HDDC2: variants seen among roughly 807,000 people sequenced by gnomAD.
HDDC2 encodes the protein HD domain containing 2, also known as 5'-deoxynucleotidase HDDC2.
In HDDC2, 25 loss-of-function variants were observed where a neutral mutation model predicts 25.5. That is an observed-to-expected ratio of 0.98 (90% CI 0.72 to 1.37). The LOEUF (loss-of-function observed/expected upper bound fraction) is 1.37. Ranked by LOEUF, HDDC2 falls within the 40% of genes most tolerant of loss-of-function variation. The probability of loss-of-function intolerance (pLI) is 0.00; values close to 1 mark genes in which losing one functional copy is unlikely to be tolerated. For synonymous variants in HDDC2, 106 were observed against 89.7 expected (o/e 1.18, Z -1.03); for missense variants, 264 against 253.1 (o/e 1.04, Z -0.29).
intron 5 of HDDC2, chr6:125,276,892 T>C (rs1424565779): frequency 3.6e-6 from 2 of 557,966 alleles, no homozygotes; most frequent in Non-Finnish European, 6.3e-6. Flanking sequence ...TGTCTGTTGT[T>C]GCTTACTGTT....
chr6:125,287,898 G>A (rs540750334), intron 4 of HDDC2, among the ~76,000 whole-genome samples: 209 of 152,352 alleles, frequency 1.4e-3, no homozygotes, highest in African/African-American at 4.0e-3. Flanking sequence ...CACACAGGCA[G>A]AGCGGGGTTG....
chr6:125,294,801 A>G (rs910223480), intron 3 of HDDC2, among the ~76,000 whole-genome samples: 2 of 152,328 alleles, frequency 1.3e-5, no homozygotes, highest in Non-Finnish European at 1.5e-5. Flanking sequence ...GCTAGATACT[A>G]TATTCCTTTA....
At chr6:125,277,274 G>A (rs1583047440) in intron 4 of HDDC2, 34 bp from the exon 5 acceptor site, 2 of 1,609,456 alleles carry the variant, frequency 1.2e-6, no homozygotes, top group South Asian at 2.2e-5. Flanking sequence ...AGCATGATTA[G>A]CGCTGCATAA....
chr6:125,287,497 T>C (rs1263820969), intron 4 of HDDC2, among the ~76,000 whole-genome samples: 1 of 152,198 alleles, frequency 6.6e-6, no homozygotes, highest in Non-Finnish European at 1.5e-5. Flanking sequence ...AATAAAAGGC[T>C]TTAAAAATAA....
chr6:125,282,239 G>T (rs548811850), intron 4 of HDDC2, among the ~76,000 whole-genome samples: 6 of 151,776 alleles, frequency 4.0e-5, no homozygotes, highest in African/African-American at 1.5e-4. Flanking sequence ...TCAGCTACTC[G>T]GGAGGTTGAG....
chr6:125,276,188 T>G lies in HDDC2; in HGVS notation c.573A>C (p.Arg191Ser). 6.2e-7 allele frequency: 1 copy of G among 1,614,206 alleles called. No homozygotes were observed. Among genetic ancestry groups the G allele is most frequent in the Admixed American group, 1.7e-5 (1 of 60,030 alleles). ...VQLVSELEAE[R>S]STNIAAAASE... ...TGGCAGCTGCAGCTATGTTAGTGCT[T>G]CTTTCTGCCTCAAGTTCAGAAACAA... Residue 191 changes from arginine (R) to serine (S), a missense_variant, in exon 6 of 6, where the codon AGA becomes AGC. Arg to Ser is a moderately radical substitution (Grantham distance 110). Coordinates refer to ENST00000398153, the MANE Select transcript of HDDC2 (RefSeq NM_016063.3).
At chr6:125,296,020 T>C (rs1798701371) in intron 3 of HDDC2, among the ~76,000 whole-genome samples, 1 of 152,144 alleles carries the variant, frequency 6.6e-6, no homozygotes, top group Non-Finnish European at 1.5e-5. Flanking sequence ...AATACCTACT[T>C]TTCTCCAAAA....
In HDDC2 at chr6:125,293,028, A is replaced by T; in HGVS notation, c.310-119T>A. ...CAACTCTCACAGGGGCAGCAGAGTA[A>T]ATTGGCCTATACTGGACAATATTTA... On this transcript the variant is annotated intron_variant, in intron 3 of 5. Transcript: ENST00000398153. The T allele has an allele frequency of 3.7e-6, 3 of 806,120 alleles. No homozygotes were observed. In the South Asian group the frequency reaches 4.1e-5, roughly 11 times the overall value. 49.9% of individuals were successfully genotyped at this position (806,120 alleles called of 1,614,324 possible).
At chr6:125,282,979 G>A (rs1798480618) in intron 4 of HDDC2, among the ~76,000 whole-genome samples, 2 of 152,242 alleles carry the variant, frequency 1.3e-5, no homozygotes, top group Middle Eastern at 3.4e-3. Flanking sequence ...CTAAATATAG[G>A]CTTCATCTTT....
chr6:125,292,328 A>T (rs1798644482), intron 4 of HDDC2, among the ~76,000 whole-genome samples: 1 of 151,440 alleles, frequency 6.6e-6, no homozygotes, highest in Non-Finnish European at 1.5e-5. Context: ...TGTCAGCAGC[A>T]CTGGGAAGGG....
Position 125,292,829 on chromosome 6 carries a change from A to G in HDDC2, c.378+12T>C, listed in dbSNP as rs762370439. ...TACAAATTAAAAACAGTAACGTACC[A>G]TATATACTTACTTCCCAAAGTTCAT... On this transcript the variant is annotated intron_variant, in intron 4 of 5. Coordinates refer to ENST00000398153, the MANE Select transcript of HDDC2 (RefSeq NM_016063.3). 3 of 1,598,952 alleles carry G rather than the reference A, an allele frequency of 1.9e-6. No homozygotes were observed. The highest frequency in any genetic ancestry group is 2.6e-6 in the Non-Finnish European group (3 of 1,167,356).
intron 4 of HDDC2, among the ~76,000 whole-genome samples, chr6:125,280,588 A>G (rs567706475): frequency 1.3e-5 from 2 of 152,312 alleles, no homozygotes; most frequent in South Asian, 4.1e-4. Flanking sequence ...CTTGAGTGTA[A>G]ACAAAGCTGC....
intron 3 of HDDC2, among the ~76,000 whole-genome samples, chr6:125,293,846 G>C (rs1216925243): frequency 6.6e-6 from 1 of 152,174 alleles, no homozygotes; most frequent in Non-Finnish European, 1.5e-5. Context: ...CATTTGTCAA[G>C]CAGAGGCTAG....
chr6:125,300,001 T>C (rs1798771202), intron 2 of HDDC2, among the ~76,000 whole-genome samples: 1 of 152,196 alleles, frequency 6.6e-6, no homozygotes, highest in Non-Finnish European at 1.5e-5. Context: ...ATAACTTACA[T>C]TTCACTTCTT....
In HDDC2 at chr6:125,299,320, T is replaced by C. The variant is rs529250104; in HGVS notation, c.207-504A>G. The stretch of plus-strand genomic sequence containing the variant: ...ATCATTTGAATCTGGGAGGTGGAGG[T>C]TGTAGTTGGCTGACACTGCACCACT... On this transcript the variant is annotated intron_variant, in intron 2 of 5. Coordinates refer to ENST00000398153, the MANE Select transcript of HDDC2 (RefSeq NM_016063.3). Among the ~76,000 whole-genome samples the C allele has an allele frequency of 5.9e-5, 9 of 151,984 alleles. No homozygotes were observed. The East Asian group carries it at 1.7e-3, about 29-fold the overall frequency.
intron 3 of HDDC2, chr6:125,293,120 C>T (rs771522986): frequency 4.8e-6 from 3 of 631,344 alleles, no homozygotes; most frequent in Non-Finnish European, 8.6e-6. Context: ...ATATGGGCTT[C>T]GCTTAGCACC....
In HDDC2 at chr6:125,299,802, A is replaced by C. The variant is rs543261142; in HGVS notation, c.206+736T>G. ...TCAAGTTGATTAATTTCTCATTTGC[A>C]AAATACTCCTTTACTTTCCTACACT... is the stretch of plus-strand genomic sequence containing the variant. On this transcript the variant is annotated intron_variant, in intron 2 of 5. Coordinates refer to ENST00000398153, the MANE Select transcript of HDDC2 (RefSeq NM_016063.3). Among the ~76,000 whole-genome samples, 6 of 152,336 alleles carry C rather than the reference A, an allele frequency of 3.9e-5. No individual in the cohort carries two copies. The East Asian group carries it at 1.2e-3, about 29-fold the overall frequency.
chr6:125,291,450 T>C (rs1299658118), intron 4 of HDDC2, among the ~76,000 whole-genome samples: 2 of 152,122 alleles, frequency 1.3e-5, no homozygotes, highest in Non-Finnish European at 2.9e-5. Flanking sequence ...TCTAGTGAGG[T>C]CTGGGACAGC....
chr6:125,291,789 C>T (rs940262469), intron 4 of HDDC2, among the ~76,000 whole-genome samples: 1 of 152,198 alleles, frequency 6.6e-6, no homozygotes, highest in African/African-American at 2.4e-5. Context: ...CTTTGCACCA[C>T]ACCTGAATGC....
Sources: gnomAD v4.1 joint callset for allele counts (sites outside exome capture counted in the v4.1 genomes callset) on GRCh38, gnomAD v4.1.1 for gene constraint, MANE v1.5 for transcripts, NCBI Gene and HGNC (gene_info 2026-07-23, HGNC 2026-07-21) for gene names.